The following PRICKLE2 variants were observed in gnomAD, a reference collection of about 807,000 sequenced individuals.
PRICKLE2 encodes the protein prickle-like protein 2.
Under a neutral mutation model 81.4 loss-of-function variants are expected in PRICKLE2, and 21 were observed. The observed-to-expected ratio is 0.26, with a 90% CI of 0.18 to 0.37. The LOEUF (loss-of-function observed/expected upper bound fraction) is 0.37. Among genes scored for constraint, PRICKLE2 ranks in the 10% least tolerant of loss-of-function variants. PRICKLE2 has a pLI of 1.00. For synonymous variants in PRICKLE2, 456 were observed against 421.5 expected (o/e 1.08, Z -1.00); for missense variants, 940 against 1,109.0 (o/e 0.85, Z 2.16).
intron 1 of PRICKLE2, among the ~76,000 whole-genome samples, chr3:64,215,848 T>C (rs1007781207): frequency 3.9e-5 from 6 of 152,242 alleles, no homozygotes; most frequent in African/African-American, 1.2e-4. Context: ...AAATGTCAAG[T>C]ATTTGAAAGA....
chr3:64,146,771 C>A, intron 7 of PRICKLE2, 59 bp downstream of exon 7: 2 of 1,588,654 alleles, frequency 1.3e-6, no homozygotes, highest in Admixed American at 1.7e-5. Context: ...TGGGGACCAG[C>A]ATCCAGTCAC....
intron 2 of PRICKLE2, among the ~76,000 whole-genome samples, chr3:64,189,552 T>G (rs2078295229): frequency 6.6e-6 from 1 of 152,186 alleles, no homozygotes; most frequent in Non-Finnish European, 1.5e-5. Context: ...GCTGTCTTTG[T>G]CCCTCGCTGA....
intron 2 of PRICKLE2, among the ~76,000 whole-genome samples, chr3:64,258,849 G>GAAAGA (rs1559608413): frequency 5.9e-5 from 6 of 102,390 alleles, no homozygotes; most frequent in African/African-American, 1.6e-4. Context: ...AAAAAAAAAA[G>GAAAGA]AAAGAAAGAA....
chr3:64,188,125 G>A (rs1031257515), intron 2 of PRICKLE2, among the ~76,000 whole-genome samples: 1 of 152,210 alleles, frequency 6.6e-6, no homozygotes, highest in African/African-American at 2.4e-5. Context: ...CAGTGTCTTG[G>A]AGATTCAAAT....
intron 2 of PRICKLE2, among the ~76,000 whole-genome samples, chr3:64,233,807 C>T (rs1244744273): frequency 6.6e-6 from 1 of 152,112 alleles, no homozygotes; most frequent in Admixed American, 6.5e-5. Flanking sequence ...CAAAAAGAAA[C>T]CCTCTAGTAA....
In PRICKLE2 at chr3:64,096,135, A is replaced by G. The variant is rs921624397; in HGVS notation, c.*2916T>C. The G allele has an allele frequency of 1.3e-5, 2 of 152,256 alleles. No individual in the cohort carries two copies. Among genetic ancestry groups the G allele is most frequent in the Non-Finnish European group, 2.9e-5 (2 of 68,056 alleles). 9.4% of individuals were successfully genotyped at this position (152,256 alleles called of 1,614,324 possible). ...CTCCGAAGTTGCAGTTCTAACCAAA[A>G]GACAAGAAGATCAATATTAGGAGAG... On this transcript the variant is annotated 3_prime_UTR_variant, in exon 8 of 8. Transcript: ENST00000638394.
intron 2 of PRICKLE2, among the ~76,000 whole-genome samples, chr3:64,188,949 T>C (rs2078285038): frequency 6.6e-6 from 1 of 152,226 alleles, no homozygotes; most frequent in Non-Finnish European, 1.5e-5. Context: ...CGTCGGTCTC[T>C]GAATGTGTCT....
In PRICKLE2 at chr3:64,099,649, T is replaced by A; in HGVS notation, c.1937A>T (p.Asp646Val). The change falls in exon 8 of 8, where the codon GAT (aspartate) becomes GTT (valine). Residue 646 changes from aspartate (D) to valine (V), a missense_variant. Transcript: ENST00000638394. This position sits in a 1 kb window ranked among gnomAD's most constrained non-coding sequence, Gnocchi z 4.3. ...HGRMHQSFDF[D>V]GGMAGSKLPG... ...CAGCTTGCTGCCCGCCATCCCTCCA[T>A]CAAAATCAAAGCTCTGATGCATCCT... 6.2e-7 allele frequency: 1 copy of A among 1,614,110 alleles called. No homozygotes were observed. Among genetic ancestry groups the A allele is most frequent in the Non-Finnish European group, 8.5e-7 (1 of 1,180,016 alleles).
intron 2 of PRICKLE2, among the ~76,000 whole-genome samples, chr3:64,191,495 T>G (rs2078336567): frequency 6.6e-6 from 1 of 152,214 alleles, no homozygotes; most frequent in Admixed American, 6.5e-5. Context: ...CTGTCTCTGC[T>G]ACTCATTAGC....
chr3:64,093,242 C>T lies in PRICKLE2; in HGVS notation c.*5809G>A, dbSNP rs994615871. ...TGAATAATATTCCATTGTATGTATA[C>T]ACCACACCTTGTTTACACATTCATC... On this transcript the variant is annotated 3_prime_UTR_variant, in exon 8 of 8. Coordinates refer to ENST00000638394, the MANE Select transcript of PRICKLE2 (RefSeq NM_198859.4). The T allele has an allele frequency of 3.3e-5, 5 of 153,280 alleles. No homozygotes were observed. Among genetic ancestry groups the T allele is most frequent in the Admixed American group, 1.3e-4 (2 of 15,410 alleles). The allele number at this position is 153,280 out of a possible 1,614,324, so 9.5% of individuals were successfully genotyped here.
At chr3:64,237,712 G>T (rs1186258910) in intron 2 of PRICKLE2, among the ~76,000 whole-genome samples, 1 of 152,132 alleles carries the variant, frequency 6.6e-6, no homozygotes, top group African/African-American at 2.4e-5. Flanking sequence ...TGAGGGTAGG[G>T]CTTCACCGGG....
At chr3:64,236,319 T>C (rs1342826032) in intron 2 of PRICKLE2, among the ~76,000 whole-genome samples, 1 of 152,128 alleles carries the variant, frequency 6.6e-6, no homozygotes, top group Non-Finnish European at 1.5e-5. Context: ...TAAATATGGG[T>C]TGAATAAAGA....
rs1261764405 is a variant in PRICKLE2, at chr3:64,095,033, A to G, written c.*4018T>C. 6.5e-6 allele frequency: 1 copy of G among 152,702 alleles called. No homozygotes were observed. The highest frequency in any genetic ancestry group is 2.4e-5 in the African/African-American group (1 of 41,470). The allele number at this position is 152,702 out of a possible 1,614,324, so 9.5% of individuals were successfully genotyped here. A position where few individuals can be genotyped will look rare whatever the true frequency, so the allele number is the denominator to read the frequency against. Reference sequence around the variant, plus strand: ...TAGGCTTAAGCATCTGTTTTCTGCTAGAAATACACAAAGAACACTTCTCCT... The same window carrying G: ...TAGGCTTAAGCATCTGTTTTCTGCTGGAAATACACAAAGAACACTTCTCCT... On this transcript the variant is annotated 3_prime_UTR_variant, in exon 8 of 8. Coordinates refer to ENST00000638394, the MANE Select transcript of PRICKLE2 (RefSeq NM_198859.4).
chr3:64,150,773 G>C (rs900670084), intron 6 of PRICKLE2, among the ~76,000 whole-genome samples: 1 of 152,166 alleles, frequency 6.6e-6, no homozygotes, highest in Admixed American at 6.5e-5. Flanking sequence ...AGCAGCAAGG[G>C]CCTAGTTCCT....
chr3:64,133,291 G>A (rs2077224670), intron 7 of PRICKLE2, among the ~76,000 whole-genome samples: 2 of 152,276 alleles, frequency 1.3e-5, no homozygotes, highest in South Asian at 4.1e-4. Flanking sequence ...ACTCAGGGAT[G>A]CTGAGCCTTG....
At chr3:64,192,768 C>T (rs1013978481) in intron 2 of PRICKLE2, among the ~76,000 whole-genome samples, 6 of 152,158 alleles carry the variant, frequency 3.9e-5, no homozygotes, top group Non-Finnish European at 7.3e-5. Flanking sequence ...GTTGAGTGTT[C>T]TGGATGATGA....
chr3:64,255,525 G>A (rs770888486), intron 2 of PRICKLE2, among the ~76,000 whole-genome samples: 3 of 152,158 alleles, frequency 2.0e-5, no homozygotes, highest in East Asian at 1.9e-4. Flanking sequence ...AGTGCTTGAC[G>A]GCAGATGCAG....
chr3:64,172,994 G>A (rs1045463916), intron 2 of PRICKLE2, among the ~76,000 whole-genome samples: 4 of 152,174 alleles, frequency 2.6e-5, no homozygotes, highest in African/African-American at 9.7e-5. Context: ...AAGCCACCCA[G>A]TCTGTGCTAT....
At chr3:64,214,274 A>C (rs2078837569) in intron 1 of PRICKLE2, among the ~76,000 whole-genome samples, 1 of 152,192 alleles carries the variant, frequency 6.6e-6, no homozygotes, top group South Asian at 2.1e-4. Flanking sequence ...TGCTCAGCAA[A>C]GGAGGCCAGA....
Sources: allele counts gnomAD v4.1 joint callset (sites outside exome capture counted in the v4.1 genomes callset), GRCh38; gene constraint gnomAD v4.1.1; non-coding constraint Gnocchi (gnomAD v3.1); transcripts MANE v1.5; gene names NCBI Gene and HGNC (gene_info 2026-07-23, HGNC 2026-07-21).